The following PAICS variants were observed in gnomAD, a reference collection of about 807,000 sequenced individuals.
PAICS encodes bifunctional phosphoribosylaminoimidazole carboxylase/phosphoribosylaminoimidazole succinocarboxamide synthetase.
In PAICS, 33 loss-of-function variants were observed where a neutral mutation model predicts 53.7. The ratio of observed to expected loss-of-function variants is 0.61; its 90% confidence interval spans 0.47 to 0.82. The LOEUF (loss-of-function observed/expected upper bound fraction) is 0.82. Ranked by LOEUF, PAICS falls within the 40% of genes least tolerant of loss-of-function variation. PAICS has a pLI of 0.00. For missense variants in PAICS, 394 were observed against 494.1 expected (o/e 0.80, Z 1.92); for synonymous variants, 141 against 167.2 (o/e 0.84, Z 1.21).
chr4:56,454,140 T>C (rs1719068048), intron 8 of PAICS, among the ~76,000 whole-genome samples: 1 of 152,216 alleles, frequency 6.6e-6, no homozygotes, highest in Non-Finnish European at 1.5e-5. Context: ...CTCAAATCTG[T>C]GCTGGCTTTA....
intron 2 of PAICS, among the ~76,000 whole-genome samples, chr4:56,445,826 G>A (rs1250561557): frequency 6.6e-6 from 1 of 152,150 alleles, no homozygotes; most frequent in Non-Finnish European, 1.5e-5. Flanking sequence ...AACCCATGTA[G>A]GTTTCCAGGA....
In PAICS at chr4:56,453,712, A is replaced by G. The variant is rs780849275; in HGVS notation, c.1062A>G (p.Thr354=). 9.0e-6 allele frequency: 14 copies of G among 1,554,030 alleles called. No individual in the cohort carries two copies. The South Asian group carries it at 1.7e-4, about 18-fold the overall frequency. ...CAGTTATCAGCTGTCCTCCCCTCAC[A>G]CCAGACTGGGGAGTTCAGGATGTGT... The part of the protein sequence containing the change: ...AYPVISCPPL[T]PDWGVQDVWS... Residue 354 remains threonine, a synonymous_variant, in exon 8 of 9, where the codon ACA becomes ACG. Coordinates refer to ENST00000512576, the MANE Select transcript of PAICS (RefSeq NM_001079524.2).
chr4:56,413,254 T>G, the PAICS span, among the ~76,000 whole-genome samples: 1 of 152,136 alleles, frequency 6.6e-6, no homozygotes, highest in Non-Finnish European at 1.5e-5. Flanking sequence ...CTTCCCAGGT[T>G]CAAGCGATTC....
At chr4:56,457,705 GC>G (rs1359458091) in intron 8 of PAICS, among the ~76,000 whole-genome samples, 7 of 132,570 alleles carry the variant, frequency 5.3e-5, no homozygotes, top group Non-Finnish European at 1.1e-4. Flanking sequence ...CGCTCCTGTT[GC>G]CCAGGCTAGA....
rs761243513 is a variant in PAICS, at chr4:56,448,801, G to C, written c.665G>C (p.Arg222Pro). 1.3e-6 allele frequency: 2 copies of C among 1,572,918 alleles called. No homozygotes were observed. Among genetic ancestry groups the C allele is most frequent in the South Asian group, 2.3e-5 (2 of 87,076 alleles). The change falls in exon 5 of 9, where the codon CGA becomes CCA. Residue 222 changes from arginine to proline, a missense_variant. Physicochemically the swap from Arg to Pro is moderately radical, Grantham distance 103 (BLOSUM62 -2). Transcript: ENST00000512576. ...DSWRLWPSGD[R>P]SQQKDKQSYR... Reference sequence around the variant, plus strand: ...TGGAGACTCTGGCCATCAGGAGATCGAAGCCAACAGAAAGACAAACAGGTA... The same window carrying C: ...TGGAGACTCTGGCCATCAGGAGATCCAAGCCAACAGAAAGACAAACAGGTA...
chr4:56,450,514 C>A, intron 5 of PAICS, 105 bp from the exon 6 acceptor site: 3 of 632,410 alleles, frequency 4.7e-6, no homozygotes, highest in South Asian at 1.9e-5. Context: ...CAGAAGTATC[C>A]CTTGCTATAC....
chr4:56,439,442 G>A (rs368868141), intron 1 of PAICS, among the ~76,000 whole-genome samples: 2 of 152,088 alleles, frequency 1.3e-5, no homozygotes, highest in South Asian at 4.1e-4. Flanking sequence ...TTACCATGTT[G>A]GTCAGCCTGG....
chr4:56,446,553 A>G (rs1718629166), intron 2 of PAICS, 142 bp from the exon 3 acceptor site: 1 of 628,564 alleles, frequency 1.6e-6, no homozygotes, highest in Non-Finnish European at 2.9e-6. Flanking sequence ...GACCGCATCT[A>G]CATTAAATAA....
Position 56,464,572 on chromosome 4 carries a change from A to T in PAICS, c.*5034A>T, listed in dbSNP as rs1468033737. On this transcript the variant is annotated 3_prime_UTR_variant, in exon 9 of 9. Coordinates refer to ENST00000512576, the MANE Select transcript of PAICS (RefSeq NM_001079524.2). ...CTCCCAACTAGAAAATAAATGTATT[A>T]CACTGGGCTGTCTTCTTTGTTGTCA... The T allele has an allele frequency of 6.6e-6, 1 of 152,216 alleles. No homozygotes were observed. Among genetic ancestry groups the T allele is most frequent in the Non-Finnish European group, 1.5e-5 (1 of 68,042 alleles). The allele number at this position is 152,216 out of a possible 1,614,324, so 9.4% of individuals were successfully genotyped here. A position where few individuals can be genotyped will look rare whatever the true frequency, so the allele number is the denominator to read the frequency against.
upstream of PAICS, among the ~76,000 whole-genome samples, chr4:56,433,969 C>A (rs548007787): frequency 7.9e-5 from 12 of 152,296 alleles, no homozygotes; most frequent in South Asian, 8.3e-4. Flanking sequence ...GGATTACAGG[C>A]GTGAGCCACC....
At chr4:56,438,371 TTATATATATATA>T (rs61681463) in intron 1 of PAICS, among the ~76,000 whole-genome samples, 15,831 of 113,606 alleles carry the variant, frequency 0.14, 1,257 homozygotes, top group East Asian at 0.28. Context: ...TGCAATGTGT[TTATATATATATA>T]TATATATATA....
chr4:56,441,331 A>G (rs2110082487), intron 1 of PAICS, among the ~76,000 whole-genome samples: 1 of 152,322 alleles, frequency 6.6e-6, no homozygotes, highest in South Asian at 2.1e-4. Flanking sequence ...GAGGCAGGTT[A>G]ATAGTGGAAA....
chr4:56,451,950 A>G lies in PAICS; in HGVS notation c.850A>G (p.Ile284Val). Residue 284 changes from isoleucine (I) to valine (V), a missense_variant, in exon 7 of 9, where the codon ATC (isoleucine) becomes GTC (valine). By Grantham distance (29) the Ile-to-Val change is conservative. Around this residue, in one of 3 missense-constraint regions of PAICS, gnomAD observed 131 missense variants for 205.5 expected, o/e 0.64. Transcript: ENST00000512576. Reference sequence around the variant, plus strand: ...TTCTGATCTTGGTCACTGTGAAAAAATCAAGAAGGCCTGTGGAAATTTTGG... The same window carrying G: ...TTCTGATCTTGGTCACTGTGAAAAAGTCAAGAAGGCCTGTGGAAATTTTGG... The part of the protein sequence containing the change: ...STSDLGHCEK[I>V]KKACGNFGIP... The G allele has an allele frequency of 6.2e-7, 1 of 1,606,382 alleles. No individual in the cohort carries two copies. Among genetic ancestry groups the G allele is most frequent in the Non-Finnish European group, 8.5e-7 (1 of 1,175,828 alleles).
At chr4:56,418,991 G>C in the PAICS span, among the ~76,000 whole-genome samples, 2 of 152,126 alleles carry the variant, frequency 1.3e-5, no homozygotes, top group African/African-American at 2.4e-5. Context: ...TGTAATTTTC[G>C]CAAGGCGTAA....
intron 8 of PAICS, among the ~76,000 whole-genome samples, chr4:56,456,155 A>T (rs1719184753): frequency 6.6e-6 from 1 of 152,034 alleles, no homozygotes; most frequent in African/African-American, 2.4e-5. Context: ...GCAATGGCGC[A>T]ATCTCAGCTT....
intron 2 of PAICS, chr4:56,446,256 A>C (rs1417498261): frequency 4.8e-6 from 3 of 629,422 alleles, no homozygotes; most frequent in Non-Finnish European, 8.8e-6. Context: ...CTTTTTCATC[A>C]TCCCAAACAA....
chr4:56,436,577 A>C (rs1363747862), intron 1 of PAICS: 2 of 699,462 alleles, frequency 2.9e-6, no homozygotes, highest in Non-Finnish European at 5.2e-6. Flanking sequence ...TGGAAGTATT[A>C]TTTATAATCA....
upstream of PAICS, chr4:56,435,317 G>A: frequency 6.2e-7 from 1 of 1,611,116 alleles, no homozygotes; most frequent in Non-Finnish European, 8.5e-7. Context: ...AGATGGAGAC[G>A]CACGCCCCCG....
At chr4:56,419,603 A>G in the PAICS span, 10 of 899,520 alleles carry the variant, frequency 1.1e-5, no homozygotes, top group Non-Finnish European at 1.3e-5. Flanking sequence ...TTACCTCTCT[A>G]CCTAATGCAG....
Sources: allele counts gnomAD v4.1 joint callset (sites outside exome capture counted in the v4.1 genomes callset), GRCh38; gene constraint gnomAD v4.1.1; regional missense constraint gnomAD v4.1.1; transcripts MANE v1.5; gene names NCBI Gene and HGNC (gene_info 2026-07-23, HGNC 2026-07-21).